Variants in DYSF observed in about 807,000 individuals in gnomAD.
DYSF encodes the protein dystrophy-associated fer-1-like 1.
Under a neutral mutation model 274.9 loss-of-function variants are expected in DYSF, and 212 were observed. The observed-to-expected ratio is 0.77, with a 90% CI of 0.69 to 0.86. The LOEUF (loss-of-function observed/expected upper bound fraction) is 0.86. DYSF is among the 40% of genes least tolerant of loss of function. The pLI, the probability that DYSF is intolerant of heterozygous loss-of-function variation, is 0.00. For synonymous variants in DYSF, 1,091 were observed against 1,078.7 expected, an observed-to-expected ratio of 1.01 and a Z score of -0.22; for missense variants, 2,666 against 2,783.2, an observed-to-expected ratio of 0.96 and a Z score of 0.95.
At chr2:71,467,083 C>T (rs2152643823) in intron 1 of DYSF, 150 bp downstream of exon 1, 2 of 1,172,798 alleles carry the variant, frequency 1.7e-6, no homozygotes, top group East Asian at 5.3e-5. Flanking sequence ...CCAGCCCCGA[C>T]TTCTGCAGGG....
At chr2:71,621,254 C>T (rs868368192) in intron 41 of DYSF, among the ~76,000 whole-genome samples, 3 of 151,962 alleles carry the variant, frequency 2.0e-5, no homozygotes, top group Admixed American at 6.5e-5. Flanking sequence ...TGGAGGGTGG[C>T]GTAAGAGACA....
Position 71,539,357 on chromosome 2 carries a change from G to A in DYSF, c.1576+118G>A, listed in dbSNP as rs7609409. ...GAAAAGGGGAGATTATAAGGCCTCT[G>A]TTGCCCATTTTCCACTGAGAAGAGC... is the stretch of plus-strand genomic sequence containing the variant. On this transcript the variant is annotated intron_variant, in intron 17 of 55. Coordinates refer to ENST00000410020, the MANE Select transcript of DYSF (RefSeq NM_001130987.2). 0.63 allele frequency: 538,085 copies of A among 860,840 alleles called. 175,612 individuals carry two copies. Among genetic ancestry groups the A allele is most frequent in the Middle Eastern group, 0.7 (3,178 of 4,524 alleles). 53.3% of individuals were successfully genotyped at this position (860,840 alleles called of 1,614,324 possible). A position where few individuals can be genotyped will look rare whatever the true frequency, so the allele number is the denominator to read the frequency against.
chr2:71,456,452 G>A (rs1450189198), intron 1 of DYSF, among the ~76,000 whole-genome samples: 1 of 152,186 alleles, frequency 6.6e-6, no homozygotes, highest in Non-Finnish European at 1.5e-5. Flanking sequence ...GGTCAGCTTG[G>A]TGAATGATTA....
intron 3 of DYSF, among the ~76,000 whole-genome samples, chr2:71,491,888 C>A (rs1274667028): frequency 2.0e-5 from 3 of 152,166 alleles, no homozygotes; most frequent in African/African-American, 7.2e-5. Context: ...AGCACACAGA[C>A]CTTTATAAAG....
rs1195519856 is a variant in DYSF, at chr2:71,674,111, C to T, written c.5785-86C>T. ...GGGACATCCTACTCCTCTGCCTCCT[C>T]CAGGCAGCCTTCCAGGCTGGAAGGG... On this transcript the variant is annotated intron_variant, in intron 51 of 55. Transcript: ENST00000410020. The T allele has an allele frequency of 7.1e-6, 9 of 1,261,358 alleles. No individual in the cohort carries two copies. The East Asian group carries it at 7.2e-5, about 10-fold the overall frequency. 78.1% of individuals were successfully genotyped at this position (1,261,358 alleles called of 1,614,324 possible).
chr2:71,580,576 G>A (rs1268220750), intron 30 of DYSF, among the ~76,000 whole-genome samples: 21 of 152,162 alleles, frequency 1.4e-4, no homozygotes, highest in African/African-American at 2.4e-5. Context: ...AGGTGCGAGG[G>A]GTTTACCTCA....
At chr2:71,614,803 C>T (rs540957717) in intron 40 of DYSF, among the ~76,000 whole-genome samples, 1 of 152,198 alleles carries the variant, frequency 6.6e-6, no homozygotes, top group South Asian at 2.1e-4. Flanking sequence ...GACGAATTTT[C>T]TGGCTACTGT....
chr2:71,632,738 G>A (rs1424715827), intron 41 of DYSF, among the ~76,000 whole-genome samples: 2 of 152,136 alleles, frequency 1.3e-5, no homozygotes, highest in South Asian at 2.1e-4. Context: ...CTGCATAGTT[G>A]TGTGGGATCA....
At chr2:71,643,811 G>A (rs554128592) in intron 41 of DYSF, among the ~76,000 whole-genome samples, 154 bp from the exon 42 acceptor site, 1 of 152,326 alleles carries the variant, frequency 6.6e-6, no homozygotes, top group East Asian at 1.9e-4. Flanking sequence ...CCCCAGGAGA[G>A]GCGGAGGTTT....
rs547556153 is a variant in DYSF at position 71,461,089 on chromosome 2, A to T, written c.88+7003A>T. Among the ~76,000 whole-genome samples the T allele has an allele frequency of 7.2e-5, 11 of 152,338 alleles. No individual in the cohort carries two copies. The East Asian group carries it at 2.1e-3, about 29-fold the overall frequency. ...CCGGGAGCCACGTGCAGTGTCCACT[A>T]TACCAATGCCAGGCCAGTCCTGTAC... On this transcript the variant is annotated intron_variant, in intron 1 of 54. Transcript: ENST00000258104.
chr2:71,611,522 C>A lies in DYSF; in HGVS notation c.4117C>A (p.Pro1373Thr), dbSNP rs770140260. The A allele has an allele frequency of 6.2e-7, 1 of 1,614,204 alleles. No individual in the cohort carries two copies. Among genetic ancestry groups the A allele is most frequent in the Non-Finnish European group, 8.5e-7 (1 of 1,180,038 alleles). Residue 1373 changes from proline (P) to threonine (T), a missense_variant, in exon 38 of 56, where the codon CCC (proline) becomes ACC (threonine). Pro to Thr is a conservative substitution (Grantham distance 38). Around this residue, in one of 3 missense-constraint regions of DYSF, gnomAD observed 1,460 missense variants for 1,502.1 expected, o/e 0.97. Transcript: ENST00000410020. ...KSYQLANISS[P>T]SLVVECGGQT... ...TTACCAGCTGGCCAACATCTCCTCC[C>A]CCAGCCTCGTGGTAGAGTGTGGGGG...
rs398123797 is a variant in DYSF, at chr2:71,679,123, ACCAG to A, written c.5953_5956del (p.Gln1985TrpfsTer19). The stretch of plus-strand genomic sequence containing the variant: ...AAGACAGCCAAGAAGTGCTCCTTGG[ACCAG>A]CTGGATGATGCTTTCCACCCAGAAT... On this transcript the variant is annotated frameshift_variant, in exon 53 of 56. Transcript: ENST00000410020. LOFTEE classifies it high-confidence loss of function. 42 of 1,613,846 alleles carry A rather than the reference ACCAG, an allele frequency of 2.6e-5. No individual in the cohort carries two copies. The highest frequency in any genetic ancestry group is 3.2e-5 in the Non-Finnish European group (38 of 1,179,936).
At chr2:71,571,028 A>G (rs1174782345) in intron 29 of DYSF, 3 of 454,704 alleles carry the variant, frequency 6.6e-6, no homozygotes, top group Non-Finnish European at 1.2e-5. Context: ...CACTCAGCAC[A>G]CACACAGATT....
At chr2:71,567,425 T>C (rs2092171426) in intron 24 of DYSF, among the ~76,000 whole-genome samples, 1 of 152,236 alleles carries the variant, frequency 6.6e-6, no homozygotes, top group Admixed American at 6.5e-5. Flanking sequence ...TCCAATATGG[T>C]AGCCACAGAT....
chr2:71,640,802 T>C (rs1424102525), intron 41 of DYSF, among the ~76,000 whole-genome samples: 3 of 152,100 alleles, frequency 2.0e-5, no homozygotes, highest in Admixed American at 1.3e-4. Context: ...ATAAAACGAA[T>C]GTAAAAACTT....
intron 1 of DYSF, among the ~76,000 whole-genome samples, chr2:71,468,327 C>T (rs973834480): frequency 1.3e-5 from 2 of 152,196 alleles, no homozygotes; most frequent in African/African-American, 4.8e-5. Flanking sequence ...TTCCCTTGTC[C>T]TGTAACAGTC....
chr2:71,504,849 T>C (rs181135821), intron 4 of DYSF, among the ~76,000 whole-genome samples: 1 of 152,302 alleles, frequency 6.6e-6, no homozygotes, highest in East Asian at 1.9e-4. Context: ...CCTCCATACC[T>C]CCCTTCGCCT....
At chr2:71,651,875 T>C (rs2094669901) in intron 42 of DYSF, among the ~76,000 whole-genome samples, 1 of 152,188 alleles carries the variant, frequency 6.6e-6, no homozygotes, top group African/African-American at 2.4e-5. Context: ...ATTCATCATA[T>C]CAGTAGGTAA....
intron 45 of DYSF, among the ~76,000 whole-genome samples, chr2:71,662,944 G>A (rs1453043348): frequency 1.3e-5 from 2 of 152,098 alleles, no homozygotes; most frequent in Non-Finnish European, 2.9e-5. Context: ...GCATGTGTGT[G>A]TGTGTGCATA....
Sources: allele counts gnomAD v4.1 joint callset (sites outside exome capture counted in the v4.1 genomes callset), GRCh38; gene constraint gnomAD v4.1.1; regional missense constraint gnomAD v4.1.1; transcripts MANE v1.5; gene names NCBI Gene and HGNC (gene_info 2026-07-23, HGNC 2026-07-21).